The following SLC35F1 variants were observed in gnomAD, a reference collection of about 807,000 sequenced individuals.
The protein encoded by SLC35F1 is chromosome 6 open reading frame 169.
Under a neutral mutation model 48.7 loss-of-function variants are expected in SLC35F1, and 14 were observed. The ratio of observed to expected loss-of-function variants is 0.29; its 90% confidence interval spans 0.19 to 0.45. The LOEUF is 0.45. SLC35F1 is among the 20% of genes least tolerant of loss of function. SLC35F1 has a pLI of 1.00. For synonymous variants in SLC35F1, 190 were observed against 202.2 expected (o/e 0.94, Z 0.51); for missense variants, 404 against 500.0 (o/e 0.81, Z 1.83).
chr6:118,091,759 G>C (rs1773077076), intron 1 of SLC35F1, among the ~76,000 whole-genome samples: 1 of 152,198 alleles, frequency 6.6e-6, no homozygotes, highest in Non-Finnish European at 1.5e-5. Context: ...ATGTGGGAAA[G>C]TTTGGAACTT....
chr6:117,943,074 A>G (rs891587867), intron 1 of SLC35F1, among the ~76,000 whole-genome samples: 1 of 152,146 alleles, frequency 6.6e-6, no homozygotes, highest in African/African-American at 2.4e-5. Flanking sequence ...TGTCAAATGT[A>G]CCGATCTTGT....
At chr6:118,097,098 A>G (rs182064397) in intron 1 of SLC35F1, among the ~76,000 whole-genome samples, 19 of 152,090 alleles carry the variant, frequency 1.2e-4, no homozygotes, top group African/African-American at 4.3e-4. Flanking sequence ...ATCTTTCTAA[A>G]ACTCAAAGCT....
chr6:118,147,573 C>T (rs980694472), intron 1 of SLC35F1, among the ~76,000 whole-genome samples: 1 of 152,096 alleles, frequency 6.6e-6, no homozygotes, highest in Non-Finnish European at 1.5e-5. Context: ...AAGCCCAAAC[C>T]CAGAGTGAGA....
intron 1 of SLC35F1, among the ~76,000 whole-genome samples, chr6:118,057,643 A>T (rs1447882299): frequency 6.6e-6 from 1 of 152,178 alleles, no homozygotes; most frequent in East Asian, 1.9e-4. Context: ...GAAGTGCAGT[A>T]AGAGGTTGCT....
intron 7 of SLC35F1, among the ~76,000 whole-genome samples, chr6:118,289,743 A>G (rs140962955): frequency 1.1e-3 from 164 of 152,326 alleles, no homozygotes; most frequent in Admixed American, 1.7e-3. Context: ...AATATAAAAC[A>G]TAGTCATGCC....
chr6:117,971,958 C>A (rs1190642718), intron 1 of SLC35F1, among the ~76,000 whole-genome samples: 1 of 152,250 alleles, frequency 6.6e-6, no homozygotes, highest in Admixed American at 6.5e-5. Flanking sequence ...TAACATTTGG[C>A]TCTTCATTAC....
intron 1 of SLC35F1, among the ~76,000 whole-genome samples, chr6:118,049,183 C>G (rs1772347142): frequency 6.6e-6 from 1 of 152,174 alleles, no homozygotes. Context: ...GAAACTAGAT[C>G]CCTTCCTTAC....
chr6:118,289,587 A>C (rs186779080), intron 7 of SLC35F1, among the ~76,000 whole-genome samples: 48 of 152,322 alleles, frequency 3.2e-4, no homozygotes, highest in Non-Finnish European at 5.4e-4. Context: ...TTTTAATAAA[A>C]ATTTAGTTAT....
chr6:118,196,239 ATTG>A (rs1214126167), intron 2 of SLC35F1, among the ~76,000 whole-genome samples: 3 of 152,206 alleles, frequency 2.0e-5, no homozygotes, highest in African/African-American at 7.2e-5. Flanking sequence ...AGACTCAGCT[ATTG>A]TTGTAGGCAC....
intron 1 of SLC35F1, among the ~76,000 whole-genome samples, chr6:118,026,796 G>T (rs1020303811): frequency 4.6e-5 from 7 of 151,992 alleles, no homozygotes; most frequent in African/African-American, 1.2e-4. Context: ...AAGAAGCCTT[G>T]GTTTTTTTAA....
chr6:118,304,164 C>A lies in SLC35F1; in HGVS notation c.1003-9864C>A, dbSNP rs551829987. Among the ~76,000 whole-genome samples the A allele has an allele frequency of 2.6e-5, 4 of 152,164 alleles. No homozygotes were observed. In the South Asian group the frequency reaches 8.3e-4, roughly 32 times the overall value. On this transcript the variant is annotated intron_variant, in intron 7 of 7. Transcript: ENST00000360388. Reference sequence around the variant, plus strand: ...TTTGTGCCAATGCAGAGTAGTTGCTCAAAATTGATAAACAATGTAAACAGA... The same window carrying A: ...TTTGTGCCAATGCAGAGTAGTTGCTAAAAATTGATAAACAATGTAAACAGA...
intron 1 of SLC35F1, among the ~76,000 whole-genome samples, chr6:118,153,750 C>T (rs1056666838): frequency 6.6e-6 from 1 of 152,192 alleles, no homozygotes; most frequent in East Asian, 1.9e-4. Context: ...GGTTGTATTA[C>T]ACCACCACAG....
At position 118,154,509 on chromosome 6, in the gene SLC35F1, A is replaced by C. The variant is rs1441839240; in HGVS notation, c.238A>C (p.Thr80Pro). 1 of 1,613,968 alleles carries C rather than the reference A, an allele frequency of 6.2e-7. No homozygotes were observed. The highest frequency in any genetic ancestry group is 8.5e-7 in the Non-Finnish European group (1 of 1,179,930). Reference protein sequence around the residue: ...LSLLICGIGLTSKYLSEDFHA... With the variant: ...LSLLICGIGLPSKYLSEDFHA... ...CCTCCTTATTTGTGGAATTGGCTTGACTAGCAAGTATCTGTCAGAAGATTT... is the reference window on the plus strand; with the variant it reads ...CCTCCTTATTTGTGGAATTGGCTTGCCTAGCAAGTATCTGTCAGAAGATTT... The change falls in exon 2 of 8, where the codon ACT (threonine) becomes CCT (proline). Residue 80 changes from threonine to proline, a missense_variant. Around this residue, in one of 2 missense-constraint regions of SLC35F1, gnomAD observed 306 missense variants for 419.1 expected, o/e 0.73. Coordinates refer to ENST00000360388, the MANE Select transcript of SLC35F1 (RefSeq NM_001029858.4).
chr6:118,190,410 G>A (rs916582363), intron 2 of SLC35F1, among the ~76,000 whole-genome samples: 1 of 151,532 alleles, frequency 6.6e-6, no homozygotes, highest in African/African-American at 2.4e-5. Context: ...CATGAGCTCA[G>A]TCCAAAAAAA....
intron 2 of SLC35F1, among the ~76,000 whole-genome samples, chr6:118,192,947 C>T (rs1174479634): frequency 6.6e-6 from 1 of 151,934 alleles, no homozygotes; most frequent in Admixed American, 6.6e-5. Context: ...TTCCAGGTTG[C>T]CATAAGTCAT....
intron 2 of SLC35F1, among the ~76,000 whole-genome samples, chr6:118,155,167 C>T (rs1419222143): frequency 6.6e-6 from 1 of 152,118 alleles, no homozygotes; most frequent in Non-Finnish European, 1.5e-5. Flanking sequence ...ACAAGTCCTC[C>T]AAGAGCCAAT....
chr6:118,011,026 G>T (rs1157787372), intron 1 of SLC35F1, among the ~76,000 whole-genome samples: 1 of 152,148 alleles, frequency 6.6e-6, no homozygotes, highest in Admixed American at 6.6e-5. Context: ...GACATCTAGT[G>T]GGTAGAGGCC....
At chr6:118,231,833 G>A (rs1413261947) in intron 2 of SLC35F1, among the ~76,000 whole-genome samples, 2 of 152,206 alleles carry the variant, frequency 1.3e-5, no homozygotes, top group Non-Finnish European at 2.9e-5. Context: ...TGTGTTCACT[G>A]TGTAAATTAA....
chr6:118,056,407 A>G (rs1770320587), intron 1 of SLC35F1, among the ~76,000 whole-genome samples: 1 of 152,240 alleles, frequency 6.6e-6, no homozygotes, highest in South Asian at 2.1e-4. Flanking sequence ...TAGTCTCATC[A>G]TATTTATTTG....
Sources: gnomAD v4.1 joint callset for allele counts (sites outside exome capture counted in the v4.1 genomes callset) on GRCh38, gnomAD v4.1.1 for gene constraint, gnomAD v4.1.1 regional missense constraint, MANE v1.5 for transcripts, NCBI Gene and HGNC (gene_info 2026-07-23, HGNC 2026-07-21) for gene names.